ARL13B: variants seen among roughly 807,000 people sequenced by gnomAD.
The protein encoded by ARL13B is ARF like GTPase 13B, also known as ADP-ribosylation factor-like protein 13B.
A neutral mutation model predicts 56.1 loss-of-function variants in ARL13B; 36 were observed. The observed-to-expected ratio is 0.64, with a 90% CI of 0.49 to 0.85. ARL13B has a LOEUF of 0.85. Ranked by LOEUF, ARL13B falls within the 40% of genes least tolerant of loss-of-function variation. The pLI is 0.00. For synonymous variants in ARL13B, 178 were observed against 171.1 expected, an observed-to-expected ratio of 1.04 and a Z score of -0.32; for missense variants, 519 against 507.1, an observed-to-expected ratio of 1.02 and a Z score of -0.23.
chr3:93,990,172 T>A (rs1339624946), intron 1 of ARL13B, among the ~76,000 whole-genome samples: 1 of 151,682 alleles, frequency 6.6e-6, no homozygotes, highest in Non-Finnish European at 1.5e-5. Context: ...GCCTGGCTAA[T>A]TTTTTTTGTA....
At chr3:94,047,987 G>T (rs1305708071) in intron 7 of ARL13B, 1 of 148,534 alleles carries the variant, frequency 6.7e-6, no homozygotes, top group Non-Finnish European at 1.5e-5. Context: ...CATTTAGAAA[G>T]TACATTGCAT....
Position 94,049,527 on chromosome 3 carries a change from G to C in ARL13B, c.1141+5G>C. The C allele has an allele frequency of 6.6e-7, 1 of 1,523,452 alleles. No homozygotes were observed. Among genetic ancestry groups the C allele is most frequent in the Middle Eastern group, 1.7e-4 (1 of 5,826 alleles). 94.4% of individuals were successfully genotyped at this position (1,523,452 alleles called of 1,614,324 possible). On this transcript the variant is annotated splice_donor_5th_base_variant and intron_variant, in intron 8 of 9. Coordinates refer to ENST00000394222, the MANE Select transcript of ARL13B (RefSeq NM_001174150.2). ...CACCCCCACCCCCTCCTCCTGGTGA[G>C]TAAATTGATACTGATACTGAATTTA...
chr3:93,980,308 C>T lies in ARL13B; in HGVS notation c.-116C>T, dbSNP rs1276312303. On this transcript the variant is annotated 5_prime_UTR_variant, in exon 1 of 10. Coordinates refer to ENST00000394222, the MANE Select transcript of ARL13B (RefSeq NM_001174150.2). Reference sequence around the variant, plus strand: ...CGCCTTCACTTCCCTCCCGGCTTTTCCTCCCGACTTATCCACTTTAGGGGC... The same window carrying T: ...CGCCTTCACTTCCCTCCCGGCTTTTTCTCCCGACTTATCCACTTTAGGGGC... The T allele has an allele frequency of 2.1e-6, 3 of 1,401,898 alleles. No individual in the cohort carries two copies. The highest frequency in any genetic ancestry group is 3.0e-6 in the Non-Finnish European group (3 of 1,002,138). 86.8% of individuals were successfully genotyped at this position (1,401,898 alleles called of 1,614,324 possible).
In ARL13B at chr3:94,053,169, T is replaced by C. The variant is rs1309645070; in HGVS notation, c.1211-18T>C. 2 of 1,604,754 alleles carry C rather than the reference T, an allele frequency of 1.2e-6. No homozygotes were observed. The highest frequency in any genetic ancestry group is 1.7e-6 in the Non-Finnish European group (2 of 1,176,232). ...TACCATAACTGTTTTGTGCATTTGG[T>C]TTTCTTTCTTTTCTTAGATTTCTAT... On this transcript the variant is annotated intron_variant, in intron 9 of 9. Coordinates refer to ENST00000394222, the MANE Select transcript of ARL13B (RefSeq NM_001174150.2).
intron 5 of ARL13B, among the ~76,000 whole-genome samples, chr3:94,038,750 T>A (rs2076812948): frequency 1.3e-5 from 2 of 151,986 alleles, no homozygotes. Context: ...CTCAAACTCC[T>A]GACCTCGTGA....
chr3:94,009,056 G>C lies in ARL13B; in HGVS notation c.380+5148G>C, dbSNP rs1559980909. 2.7e-5 allele frequency among the ~76,000 whole-genome samples: 4 copies of C among 149,348 alleles called. No homozygotes were observed. The East Asian group carries it at 6.0e-4, about 22-fold the overall frequency. On this transcript the variant is annotated intron_variant, in intron 3 of 9. Coordinates refer to ENST00000394222, the MANE Select transcript of ARL13B (RefSeq NM_001174150.2). ...GGCACACTGCGTATGGGGTAGCCCT[G>C]CTCCTCAAGGAGCAGTAAAGATAGA...
At chr3:93,996,866 G>T (rs1392153921) in intron 2 of ARL13B, among the ~76,000 whole-genome samples, 1 of 152,084 alleles carries the variant, frequency 6.6e-6, no homozygotes, top group Non-Finnish European at 1.5e-5. Flanking sequence ...GAGGTAAGCA[G>T]CAGGCCAGTG....
At chr3:93,985,007 C>CAA (rs1710379862) in intron 1 of ARL13B, among the ~76,000 whole-genome samples, 7 of 150,794 alleles carry the variant, frequency 4.6e-5, no homozygotes, top group Admixed American at 1.3e-4. Context: ...GAAACCCTGT[C>CAA]TCAATCAATC....
chr3:94,046,797 ATGTCT>A (rs756777343), intron 7 of ARL13B, among the ~76,000 whole-genome samples: 3 of 152,122 alleles, frequency 2.0e-5, no homozygotes, highest in South Asian at 2.1e-4. Flanking sequence ...CATTTTTAAA[ATGTCT>A]TGTCAAATAG....
At chr3:94,001,938 A>G (rs1454994454) in intron 2 of ARL13B, among the ~76,000 whole-genome samples, 1 of 152,140 alleles carries the variant, frequency 6.6e-6, no homozygotes, top group Non-Finnish European at 1.5e-5. Context: ...GTCTAACTTT[A>G]CCTTTTTCTT....
At chr3:94,004,120 G>T (rs963696045) in intron 3 of ARL13B, among the ~76,000 whole-genome samples, 2 of 152,000 alleles carry the variant, frequency 1.3e-5, no homozygotes, top group African/African-American at 4.8e-5. Flanking sequence ...CTTAAAAGTG[G>T]ATCTCTTCGA....
At chr3:94,008,218 T>C (rs933464727) in intron 3 of ARL13B, among the ~76,000 whole-genome samples, 1 of 152,194 alleles carries the variant, frequency 6.6e-6, no homozygotes, top group African/African-American at 2.4e-5. Flanking sequence ...AAGTCCTTTT[T>C]CTCTCACATC....
chr3:93,986,494 TAA>T (rs1422322737), intron 1 of ARL13B, among the ~76,000 whole-genome samples: 2 of 152,228 alleles, frequency 1.3e-5, no homozygotes, highest in Non-Finnish European at 2.9e-5. Context: ...AACCTTGTTC[TAA>T]AGTCTTTTTT....
At chr3:94,013,153 G>A (rs1160895369) in intron 3 of ARL13B, among the ~76,000 whole-genome samples, 2 of 152,140 alleles carry the variant, frequency 1.3e-5, no homozygotes, top group East Asian at 3.9e-4. Context: ...CCTATGCCTG[G>A]AATTATACCC....
At chr3:94,029,108 C>G (rs2107066931) in intron 3 of ARL13B, among the ~76,000 whole-genome samples, 1 of 150,754 alleles carries the variant, frequency 6.6e-6, no homozygotes, top group Non-Finnish European at 1.5e-5. Context: ...CTAAAGTTAT[C>G]CAGCAATATA....
Position 94,053,299 on chromosome 3 carries a change from A to G in ARL13B, c.*36A>G. 5.8e-6 allele frequency: 9 copies of G among 1,554,480 alleles called. No individual in the cohort carries two copies. Among genetic ancestry groups the G allele is most frequent in the Non-Finnish European group, 8.0e-6 (9 of 1,126,962 alleles). On this transcript the variant is annotated 3_prime_UTR_variant, in exon 10 of 10. Transcript: ENST00000394222. Reference sequence around the variant, plus strand: ...TGGAGGAGTTCTCTTAATATCAGCAAGGTGAACTGGGACATTCTTCTTTCT... The same window carrying G: ...TGGAGGAGTTCTCTTAATATCAGCAGGGTGAACTGGGACATTCTTCTTTCT...
intron 4 of ARL13B, among the ~76,000 whole-genome samples, chr3:94,035,909 A>C (rs1465906095): frequency 6.6e-6 from 1 of 152,004 alleles, no homozygotes; most frequent in Non-Finnish European, 1.5e-5. Context: ...CTAGCTCTAC[A>C]AAAAATACAA....
At chr3:94,052,661 G>T (rs1281193144) in intron 9 of ARL13B, among the ~76,000 whole-genome samples, 1 of 152,082 alleles carries the variant, frequency 6.6e-6, no homozygotes, top group Non-Finnish European at 1.5e-5. Context: ...GATTGTGAAG[G>T]CTTCATATAT....
At chr3:94,003,555 G>A in intron 2 of ARL13B, 104 bp from the exon 3 acceptor site, 9 of 1,299,752 alleles carry the variant, frequency 6.9e-6, no homozygotes, top group Non-Finnish European at 9.8e-6. Context: ...TATTGTGTCA[G>A]TGAATGCTAA....
Sources: gnomAD v4.1 joint callset for allele counts (sites outside exome capture counted in the v4.1 genomes callset) on GRCh38, gnomAD v4.1.1 for gene constraint, MANE v1.5 for transcripts, NCBI Gene and HGNC (gene_info 2026-07-23, HGNC 2026-07-21) for gene names.